Variants in CDH13 observed in about 807,000 individuals in gnomAD.
The protein encoded by CDH13 is cadherin-13.
CDH13 carries 24 observed loss-of-function variants against 63.8 expected under a neutral mutation model. The ratio of observed to expected loss-of-function variants is 0.38; its 90% confidence interval spans 0.27 to 0.53. CDH13 has a LOEUF of 0.53. Ranked by LOEUF, CDH13 falls within the 20% of genes least tolerant of loss-of-function variation. The pLI is 0.85. For synonymous variants in CDH13, 503 were observed against 355.3 expected (o/e 1.42, Z -4.67); for missense variants, 1,049 against 903.1 (o/e 1.16, Z -2.07).
At chr16:83,255,901 C>A (rs1353211853) in intron 5 of CDH13, among the ~76,000 whole-genome samples, 1 of 152,104 alleles carries the variant, frequency 6.6e-6, no homozygotes, top group South Asian at 2.1e-4. Flanking sequence ...TAGCACTAAG[C>A]TTGGCACATA....
At chr16:83,721,931 TG>T (rs769146795) in intron 10 of CDH13, 3 of 152,280 alleles carry the variant, frequency 2.0e-5, no homozygotes, top group Admixed American at 6.5e-5. Context: ...GTAGAGAGAT[TG>T]GATGAGGAAG....
At position 83,041,128 on chromosome 16, in the gene CDH13, A is replaced by C. The variant is rs183609440; in HGVS notation, c.366+8910A>C. On this transcript the variant is annotated intron_variant, in intron 3 of 13. Coordinates refer to ENST00000567109, the MANE Select transcript of CDH13 (RefSeq NM_001257.5). ...CATTATGAACAATTTACCCTTCTTA[A>C]CTGGAAGTCAATACAAGTTGCCTCA... Among the ~76,000 whole-genome samples, 51 of 152,326 alleles carry C rather than the reference A, an allele frequency of 3.3e-4. No individual in the cohort carries two copies. The South Asian group carries it at 7.7e-3, about 23-fold the overall frequency.
chr16:83,310,318 G>A (rs996931894), intron 5 of CDH13, among the ~76,000 whole-genome samples: 1 of 152,148 alleles, frequency 6.6e-6, no homozygotes, highest in Non-Finnish European at 1.5e-5. Context: ...TTTTTGATAA[G>A]GTAAATTAGT....
intron 3 of CDH13, among the ~76,000 whole-genome samples, chr16:83,091,014 T>C (rs1223563140): frequency 6.6e-6 from 1 of 152,220 alleles, no homozygotes; most frequent in Non-Finnish European, 1.5e-5. Flanking sequence ...GTAATTTTTC[T>C]ACTTATTATA....
At chr16:83,595,214 C>T (rs117260622) in intron 7 of CDH13, among the ~76,000 whole-genome samples, 3,535 of 152,280 alleles carry the variant, frequency 0.023, 63 homozygotes, top group Non-Finnish European at 0.035. Flanking sequence ...GCTGCAGTTC[C>T]GCAAAGTATA....
At chr16:83,699,305 A>G (rs1176528565) in intron 10 of CDH13, among the ~76,000 whole-genome samples, 1 of 152,228 alleles carries the variant, frequency 6.6e-6, no homozygotes, top group African/African-American at 2.4e-5. Context: ...ATATTCCTGC[A>G]TTTGTTCAAC....
chr16:83,266,352 G>A (rs1286205021), intron 5 of CDH13, among the ~76,000 whole-genome samples: 5 of 152,182 alleles, frequency 3.3e-5, no homozygotes, highest in African/African-American at 4.8e-5. Flanking sequence ...TCCTTCCATG[G>A]ATATATGGTC....
At chr16:83,046,235 C>G (rs1917771846) in intron 3 of CDH13, among the ~76,000 whole-genome samples, 1 of 152,146 alleles carries the variant, frequency 6.6e-6, no homozygotes, top group African/African-American at 2.4e-5. Context: ...CTCACTGGGG[C>G]CCATAGCAGT....
At chr16:82,695,898 A>G (rs1036223275) in intron 1 of CDH13, among the ~76,000 whole-genome samples, 3 of 152,234 alleles carry the variant, frequency 2.0e-5, no homozygotes, top group East Asian at 1.9e-4. Context: ...ACCATAACCC[A>G]TTTAAAGCAG....
At chr16:83,040,474 G>C (rs1917237411) in intron 3 of CDH13, among the ~76,000 whole-genome samples, 1 of 152,138 alleles carries the variant, frequency 6.6e-6, no homozygotes, top group Admixed American at 6.5e-5. Flanking sequence ...GCAAATCTCT[G>C]GTGTAAGTCC....
At chr16:83,032,953 G>A (rs954125674) in intron 3 of CDH13, among the ~76,000 whole-genome samples, 5 of 152,182 alleles carry the variant, frequency 3.3e-5, no homozygotes, top group Non-Finnish European at 5.9e-5. Context: ...TACATATACG[G>A]TGTATGTGTA....
At chr16:82,806,617 A>G (rs1209862947) in intron 1 of CDH13, among the ~76,000 whole-genome samples, 3 of 152,222 alleles carry the variant, frequency 2.0e-5, no homozygotes, top group Non-Finnish European at 2.9e-5. Context: ...AAACTTTCAG[A>G]CTGCCTGATG....
intron 2 of CDH13, among the ~76,000 whole-genome samples, chr16:83,000,428 G>C (rs1425404007): frequency 6.8e-6 from 1 of 147,706 alleles, no homozygotes; most frequent in South Asian, 2.2e-4. Context: ...TTTTGTATTT[G>C]TCGTAGAGAC....
chr16:82,864,671 T>C (rs909191092), intron 2 of CDH13, among the ~76,000 whole-genome samples: 1 of 152,186 alleles, frequency 6.6e-6, no homozygotes, highest in Admixed American at 6.5e-5. Context: ...GGATTACAAT[T>C]CAAGATGAGA....
At chr16:83,247,489 G>T (rs904377327) in intron 5 of CDH13, among the ~76,000 whole-genome samples, 9 of 38,426 alleles carry the variant, frequency 2.3e-4, no homozygotes, top group African/African-American at 7.9e-4. Flanking sequence ...AGCCCATGCT[G>T]TCACCACTTT....
chr16:83,059,284 C>T (rs1445708935), intron 3 of CDH13, among the ~76,000 whole-genome samples: 1 of 152,180 alleles, frequency 6.6e-6, no homozygotes, highest in African/African-American at 2.4e-5. Context: ...AGTCTCCCTA[C>T]TGTCCATGGA....
At chr16:83,105,630 A>G (rs2034725986) in intron 3 of CDH13, among the ~76,000 whole-genome samples, 1 of 151,976 alleles carries the variant, frequency 6.6e-6, no homozygotes, top group African/African-American at 2.4e-5. Context: ...ATTAGATGGC[A>G]TGAATTAAAT....
chr16:83,241,574 T>A (rs1232869981), intron 5 of CDH13, among the ~76,000 whole-genome samples: 1 of 152,230 alleles, frequency 6.6e-6, no homozygotes, highest in Non-Finnish European at 1.5e-5. Flanking sequence ...GCATTTCTTT[T>A]AGGATTAGTG....
chr16:83,247,902 G>T (rs908259771), intron 5 of CDH13, among the ~76,000 whole-genome samples: 2 of 152,156 alleles, frequency 1.3e-5, no homozygotes, highest in Non-Finnish European at 2.9e-5. Context: ...GAGAGCTACT[G>T]TTCTTTAAAT....
Sources: allele counts gnomAD v4.1 joint callset (sites outside exome capture counted in the v4.1 genomes callset), GRCh38; gene constraint gnomAD v4.1.1; transcripts MANE v1.5; gene names NCBI Gene and HGNC (gene_info 2026-07-23, HGNC 2026-07-21).